Variants in ALMS1 observed in about 807,000 individuals in gnomAD.
ALMS1 encodes the protein ALMS1 centrosome and basal body associated protein.
A neutral mutation model predicts 352.2 loss-of-function variants in ALMS1; 271 were observed. That is an observed-to-expected ratio of 0.77 (90% CI 0.70 to 0.85). The LOEUF (loss-of-function observed/expected upper bound fraction) is 0.85, where lower values mean the gene tolerates loss of function less well. ALMS1 is among the 40% of genes least tolerant of loss of function. The probability of loss-of-function intolerance (pLI) is 0.00; values close to 1 mark genes in which losing one functional copy is unlikely to be tolerated. For synonymous variants in ALMS1, 1,865 were observed against 1,761.2 expected, an observed-to-expected ratio of 1.06 and a Z score of -1.48; for missense variants, 5,445 against 4,870.7, an observed-to-expected ratio of 1.12 and a Z score of -3.51.
At chr2:73,531,748 A>G (rs970704368) in intron 11 of ALMS1, among the ~76,000 whole-genome samples, 1 of 152,234 alleles carries the variant, frequency 6.6e-6, no homozygotes, top group African/African-American at 2.4e-5. Flanking sequence ...ACAGTTCCAC[A>G]TGGTTGGGGA....
chr2:73,435,495 T>G (rs1671587638), intron 7 of ALMS1, among the ~76,000 whole-genome samples: 1 of 152,026 alleles, frequency 6.6e-6, no homozygotes, highest in Non-Finnish European at 1.5e-5. Flanking sequence ...CTAACTTAAT[T>G]CTAGTATGGT....
chr2:73,508,972 G>A (rs941029503), intron 10 of ALMS1, among the ~76,000 whole-genome samples: 3 of 152,142 alleles, frequency 2.0e-5, no homozygotes, highest in Non-Finnish European at 4.4e-5. Context: ...TTACCATTAT[G>A]TAATGCTCTT....
intron 7 of ALMS1, among the ~76,000 whole-genome samples, chr2:73,441,124 T>C: frequency 6.6e-6 from 1 of 152,162 alleles, no homozygotes; most frequent in East Asian, 1.9e-4. Flanking sequence ...TGTCAGTGGG[T>C]CACCCACTTG....
intron 12 of ALMS1, among the ~76,000 whole-genome samples, chr2:73,539,299 T>TC (rs1325061176): frequency 7.9e-5 from 12 of 151,960 alleles, no homozygotes; most frequent in Non-Finnish European, 1.3e-4. Context: ...TCCAGCAAAC[T>TC]CCAACAGACC....
intron 11 of ALMS1, among the ~76,000 whole-genome samples, chr2:73,523,584 T>C (rs1673728242): frequency 6.6e-6 from 1 of 152,138 alleles, no homozygotes; most frequent in Non-Finnish European, 1.5e-5. Flanking sequence ...CTGGCCAACA[T>C]AGTGAAACCT....
intron 9 of ALMS1, among the ~76,000 whole-genome samples, chr2:73,486,044 A>C (rs1317906635): frequency 1.3e-5 from 2 of 151,448 alleles, no homozygotes; most frequent in African/African-American, 4.9e-5. Context: ...TGCGTGGCTC[A>C]CGCTGGGAGC....
intron 1 of ALMS1, among the ~76,000 whole-genome samples, chr2:73,391,793 A>G (rs566146679): frequency 6.6e-6 from 1 of 152,314 alleles, no homozygotes; most frequent in African/African-American, 2.4e-5. Flanking sequence ...TGCCATTTTC[A>G]TAAAAGGTAC....
In ALMS1 at chr2:73,603,260, G is replaced by A. The variant is rs201639238; in HGVS notation, c.12318G>A (p.Lys4106=). The A allele has an allele frequency of 1.2e-6, 2 of 1,614,138 alleles. No individual in the cohort carries two copies. Among genetic ancestry groups the A allele is most frequent in the East Asian group, 2.2e-5 (1 of 44,888 alleles). The part of the protein sequence containing the change: ...LPKRVFLAIQ[K]NKPISKKEMI... ...GCCTAGTCTTCCTGGCTATCCAGAA[G>A]AACAAGCCTATCAGCAAGAAGGAAA... is the stretch of plus-strand genomic sequence containing the variant. Residue 4106 remains lysine, a synonymous_variant, in exon 21 of 23, where the codon AAG becomes AAA. Transcript: ENST00000613296.
At chr2:73,480,198 G>A (rs1390382135) in intron 9 of ALMS1, among the ~76,000 whole-genome samples, 1 of 151,822 alleles carries the variant, frequency 6.6e-6, no homozygotes, top group Non-Finnish European at 1.5e-5. Flanking sequence ...CTAGCATTAG[G>A]TATATCTCCT....
intron 16 of ALMS1, among the ~76,000 whole-genome samples, chr2:73,596,836 T>G (rs892544764): frequency 2.1e-5 from 3 of 145,624 alleles, no homozygotes; most frequent in African/African-American, 7.5e-5. Context: ...AGATTTGAAA[T>G]CAGGAAATAT....
intron 15 of ALMS1, among the ~76,000 whole-genome samples, chr2:73,569,124 C>T (rs1451563040): frequency 6.8e-6 from 1 of 146,516 alleles, no homozygotes; most frequent in Non-Finnish European, 1.5e-5. Context: ...AAGCAGTTCT[C>T]CTTCCTCAGC....
At chr2:73,598,819 G>A (rs192639837) in intron 16 of ALMS1, among the ~76,000 whole-genome samples, 23 of 152,194 alleles carry the variant, frequency 1.5e-4, no homozygotes, top group Non-Finnish European at 2.9e-4. Flanking sequence ...GTCATCCACC[G>A]ACATTCCACC....
rs760356683 is a variant in ALMS1 at position 73,450,828 on chromosome 2, A to C, written c.4301A>C (p.Lys1434Thr). The change falls in exon 8 of 23, where the codon AAG becomes ACG. Residue 1434 changes from lysine (K) to threonine (T), a missense_variant. Transcript: ENST00000613296. Reference protein sequence around the residue: ...LPSTFYSHTEKPGSFYQQVLP... With the variant: ...LPSTFYSHTETPGSFYQQVLP... ...TCTACTTTCTACTCACACACAGAGAAGCCTGGTAGTTTCTACCAACAGGTC... is the reference window on the plus strand; with the variant it reads ...TCTACTTTCTACTCACACACAGAGACGCCTGGTAGTTTCTACCAACAGGTC... 3 of 1,614,054 alleles carry C rather than the reference A, an allele frequency of 1.9e-6. No homozygotes were observed. The highest frequency in any genetic ancestry group is 2.5e-6 in the Non-Finnish European group (3 of 1,179,976).
chr2:73,496,981 T>TA (rs1673119743), intron 10 of ALMS1, among the ~76,000 whole-genome samples: 1 of 152,168 alleles, frequency 6.6e-6, no homozygotes, highest in African/African-American at 2.4e-5. Context: ...TATTTGCAAA[T>TA]ATCTCTTCAC....
Position 73,448,464 on chromosome 2 carries a change from T to C in ALMS1, c.1937T>C (p.Leu646Ser). The C allele has an allele frequency of 6.2e-7, 1 of 1,613,858 alleles. No homozygotes were observed. The highest frequency in any genetic ancestry group is 2.2e-5 in the East Asian group (1 of 44,878). ...GAGAGTAACTTAACCGAAGAGCCTT[T>C]GGAAGTTTCAGCTGCTCCTGGCCCA... The part of the protein sequence containing the change: ...LPESNLTEEP[L>S]EVSAAPGPVE... Residue 646 changes from leucine to serine, a missense_variant, in exon 8 of 23, where the codon TTG (leucine) becomes TCG (serine). Transcript: ENST00000613296.
At position 73,481,873 on chromosome 2, in the gene ALMS1, CTGTT is replaced by C. The variant is rs1176907009; in HGVS notation, c.7675-7757_7675-7754del. 3.3e-5 allele frequency among the ~76,000 whole-genome samples: 5 copies of C among 151,054 alleles called. 1 individual carries two copies. The highest frequency in any genetic ancestry group is 4.2e-4 in the South Asian group (2 of 4,792). Reference sequence around the variant, plus strand: ...GGGAGTTCACTCATGATTTGGCTCTCTGTTTGTCTGTTGTTGGTGTATAAGGATG... The same window carrying C: ...GGGAGTTCACTCATGATTTGGCTCTCTGTCTGTTGTTGGTGTATAAGGATG... On this transcript the variant is annotated intron_variant, in intron 9 of 22. Coordinates refer to ENST00000613296, the MANE Select transcript of ALMS1 (RefSeq NM_001378454.1).
At chr2:73,390,404 A>T (rs1257434918) in intron 1 of ALMS1, among the ~76,000 whole-genome samples, 4 of 152,228 alleles carry the variant, frequency 2.6e-5, no homozygotes. Context: ...TTAAATGACA[A>T]AATTGTGTTA....
At position 73,601,528 on chromosome 2, in the gene ALMS1, G is replaced by A. The variant is rs192952989; in HGVS notation, c.12114+92G>A. 15 of 1,548,406 alleles carry A rather than the reference G, an allele frequency of 9.7e-6. No homozygotes were observed. The East Asian group carries it at 1.2e-4, about 12-fold the overall frequency. On this transcript the variant is annotated intron_variant, in intron 19 of 22. Transcript: ENST00000613296. ...TGGCTCTGTGACTTGGTGAGCTGAG[G>A]TGTAGGCCTGAGACGCTCTTTTCCA... is the stretch of plus-strand genomic sequence containing the variant.
At chr2:73,593,754 C>A (rs1217778148) in intron 16 of ALMS1, among the ~76,000 whole-genome samples, 1 of 152,200 alleles carries the variant, frequency 6.6e-6, no homozygotes, top group Non-Finnish European at 1.5e-5. Flanking sequence ...CCCAGCCTCC[C>A]ACCTCTGCCA....
Sources: allele counts gnomAD v4.1 joint callset (sites outside exome capture counted in the v4.1 genomes callset), GRCh38; gene constraint gnomAD v4.1.1; transcripts MANE v1.5; gene names NCBI Gene and HGNC (gene_info 2026-07-23, HGNC 2026-07-21).